Variants in MCC observed in about 807,000 individuals in gnomAD.
The protein encoded by MCC is colorectal mutant cancer protein.
A neutral mutation model predicts 116.2 loss-of-function variants in MCC; 90 were observed. That is an observed-to-expected ratio of 0.77 (90% CI 0.65 to 0.92). The LOEUF (loss-of-function observed/expected upper bound fraction) is 0.92. Among genes scored for constraint, MCC ranks in the 40% least tolerant of loss-of-function variants. The pLI is 0.00. For synonymous variants in MCC, 578 were observed against 510.5 expected (o/e 1.13, Z -1.78); for missense variants, 1,516 against 1,312.2 (o/e 1.16, Z -2.40).
Position 113,477,922 on chromosome 5 carries a change from A to G in MCC, c.170+10323T>C, listed in dbSNP as rs1018349905. On this transcript the variant is annotated intron_variant, in intron 1 of 18. Transcript: ENST00000408903. ...CTAGGCTTGCAAAGAAGCAGAAAACAGTTCCATAACCATGAGAAAAATCAA... is the reference window on the plus strand; with the variant it reads ...CTAGGCTTGCAAAGAAGCAGAAAACGGTTCCATAACCATGAGAAAAATCAA... Among the ~76,000 whole-genome samples, 5 of 152,240 alleles carry G rather than the reference A, an allele frequency of 3.3e-5. No individual in the cohort carries two copies. In the South Asian group the frequency reaches 1.0e-3, roughly 32 times the overall value.
chr5:113,479,409 T>C (rs549721447), intron 1 of MCC, among the ~76,000 whole-genome samples: 5 of 152,240 alleles, frequency 3.3e-5, no homozygotes, highest in Admixed American at 3.3e-4. Flanking sequence ...GTATATAAAT[T>C]TGTCAAAACT....
chr5:113,460,235 T>C (rs1408509093), intron 1 of MCC, among the ~76,000 whole-genome samples: 2 of 152,154 alleles, frequency 1.3e-5, no homozygotes, highest in Non-Finnish European at 1.5e-5. Flanking sequence ...CCTCTTTCCA[T>C]GGGAAATTTT....
intron 17 of MCC, among the ~76,000 whole-genome samples, chr5:113,034,393 C>T (rs1193506665): frequency 1.3e-5 from 2 of 152,202 alleles, no homozygotes; most frequent in African/African-American, 4.8e-5. Context: ...GGCAGTGCGG[C>T]TTCGTGAGCC....
In MCC at chr5:113,168,842, A is replaced by G. The variant is rs923830361; in HGVS notation, c.628-17420T>C. 2.8e-4 allele frequency among the ~76,000 whole-genome samples: 42 copies of G among 152,292 alleles called. 1 individual carries two copies. The highest frequency in any genetic ancestry group is 8.8e-5 in the Non-Finnish European group (6 of 68,020). On this transcript the variant is annotated intron_variant, in intron 3 of 18. Transcript: ENST00000408903. ...ACAAGGCTAATTCTATATTACCCCT[A>G]AAGTCTATAAAGCACAAAGACTCTA...
chr5:113,472,439 T>C (rs1772119711), intron 1 of MCC, among the ~76,000 whole-genome samples: 1 of 152,250 alleles, frequency 6.6e-6, no homozygotes, highest in African/African-American at 2.4e-5. Context: ...TTTTTATTTG[T>C]TTATGCATGT....
intron 1 of MCC, chr5:113,436,481 A>C (rs998010432): frequency 6.6e-6 from 1 of 152,296 alleles, no homozygotes; most frequent in African/African-American, 2.4e-5. Context: ...ACAGCTGAGC[A>C]GCAGTAACAT....
intron 1 of MCC, among the ~76,000 whole-genome samples, chr5:113,385,928 G>A (rs951846997): frequency 3.9e-5 from 6 of 152,090 alleles, no homozygotes; most frequent in Non-Finnish European, 7.4e-5. Flanking sequence ...GACTAGAGAA[G>A]TGTATCCAGC....
chr5:113,245,270 C>A (rs1764529598), intron 3 of MCC, among the ~76,000 whole-genome samples: 1 of 131,464 alleles, frequency 7.6e-6, no homozygotes. Context: ...CCAGCCTAGG[C>A]AACGAGAGAA....
chr5:113,165,565 C>T (rs139681975), intron 3 of MCC, among the ~76,000 whole-genome samples: 3 of 152,272 alleles, frequency 2.0e-5, no homozygotes, highest in East Asian at 3.9e-4. Context: ...CTCACCTCTA[C>T]CCTTCTGCCG....
At chr5:113,476,071 G>A (rs1561592037) in intron 1 of MCC, among the ~76,000 whole-genome samples, 2 of 152,222 alleles carry the variant, frequency 1.3e-5, no homozygotes, top group East Asian at 3.9e-4. Context: ...GTGGGCCAGA[G>A]GAAAAATCAA....
At chr5:113,190,476 T>C (rs1762100544) in intron 3 of MCC, among the ~76,000 whole-genome samples, 1 of 152,064 alleles carries the variant, frequency 6.6e-6, no homozygotes, top group Admixed American at 6.6e-5. Flanking sequence ...AAGGAGGAGC[T>C]TAAAATACCA....
chr5:113,281,667 T>G lies in MCC; in HGVS notation c.627+58852A>C, dbSNP rs560731129. Reference sequence around the variant, plus strand: ...TGAATCCAGAAAAGAAAATACCCAGTATTCTGACTTGACACTATTTGGATA... The same window carrying G: ...TGAATCCAGAAAAGAAAATACCCAGGATTCTGACTTGACACTATTTGGATA... On this transcript the variant is annotated intron_variant, in intron 3 of 18. Transcript: ENST00000408903. Among the ~76,000 whole-genome samples, 10 of 152,306 alleles carry G rather than the reference T, an allele frequency of 6.6e-5. No individual in the cohort carries two copies. The East Asian group carries it at 1.7e-3, about 26-fold the overall frequency.
intron 1 of MCC, among the ~76,000 whole-genome samples, chr5:113,460,403 ATCT>A (rs1453968085): frequency 6.6e-6 from 1 of 152,230 alleles, no homozygotes; most frequent in African/African-American, 2.4e-5. Flanking sequence ...GGATTAATAC[ATCT>A]TCTTCTGTGA....
At chr5:113,272,927 C>T (rs112528599) in intron 3 of MCC, among the ~76,000 whole-genome samples, 3,295 of 152,252 alleles carry the variant, frequency 0.022, 40 homozygotes, top group Middle Eastern at 0.027. Context: ...ATCACAAAAA[C>T]GTAATAATGT....
intron 6 of MCC, among the ~76,000 whole-genome samples, chr5:113,112,393 G>T (rs986640203): frequency 6.6e-6 from 1 of 152,064 alleles, no homozygotes; most frequent in Admixed American, 6.6e-5. Context: ...AGACCTGGTT[G>T]TTTAAAAGTG....
intron 3 of MCC, among the ~76,000 whole-genome samples, chr5:113,177,945 C>T (rs77020721): frequency 3.2e-4 from 48 of 152,244 alleles, no homozygotes; most frequent in Middle Eastern, 3.4e-3. Flanking sequence ...TTTCGAATTA[C>T]GAAAGAATTT....
chr5:113,448,347 GA>G (rs776741702), intron 1 of MCC: 1 of 152,168 alleles, frequency 6.6e-6, no homozygotes, highest in Non-Finnish European at 1.5e-5. Flanking sequence ...CATAAATTCT[GA>G]AAATATCGTG....
intron 3 of MCC, among the ~76,000 whole-genome samples, chr5:113,224,989 T>G (rs1763681221): frequency 6.6e-6 from 1 of 152,196 alleles, no homozygotes; most frequent in South Asian, 2.1e-4. Context: ...CTGTTCCTAG[T>G]TGATCTTATA....
intron 5 of MCC, among the ~76,000 whole-genome samples, chr5:113,134,297 T>C (rs556476836): frequency 6.6e-5 from 10 of 152,302 alleles, no homozygotes; most frequent in African/African-American, 2.4e-4. Context: ...GGATATCCAC[T>C]TTTCCCAGCA....
Sources: allele counts gnomAD v4.1 joint callset (sites outside exome capture counted in the v4.1 genomes callset), GRCh38; gene constraint gnomAD v4.1.1; transcripts MANE v1.5; gene names NCBI Gene and HGNC (gene_info 2026-07-23, HGNC 2026-07-21).